TXNRD1: variants seen among roughly 807,000 people sequenced by gnomAD.
TXNRD1 encodes the protein thioredoxin reductase 1.
A neutral mutation model predicts 80.3 loss-of-function variants in TXNRD1; 57 were observed. The ratio of observed to expected loss-of-function variants is 0.71; its 90% CI spans 0.57 to 0.89. The LOEUF (loss-of-function observed/expected upper bound fraction) is 0.89, where lower values mean the gene tolerates loss of function less well. TXNRD1 is among the 40% of genes least tolerant of loss of function. The probability of loss-of-function intolerance (pLI) is 0.00; values close to 1 mark genes in which losing one functional copy is unlikely to be tolerated. For synonymous variants in TXNRD1, 291 were observed against 285.2 expected, an observed-to-expected ratio of 1.02 and a Z score of -0.20; for missense variants, 730 against 803.0, an observed-to-expected ratio of 0.91 and a Z score of 1.10.
intron 3 of TXNRD1, chr12:104,287,316 C>T (rs2034004347): frequency 1.2e-6 from 2 of 1,613,840 alleles, no homozygotes; most frequent in Non-Finnish European, 1.7e-6. Context: ...CGGTTTCGAC[C>T]CGGTCACACA....
intron 4 of TXNRD1, chr12:104,290,900 T>G: frequency 1.8e-6 from 1 of 552,894 alleles, no homozygotes; most frequent in Non-Finnish European, 3.2e-6. Context: ...AAAGAGTCAC[T>G]CTTTTTATAA....
At chr12:104,234,325 C>A (rs1312375805) in intron 1 of TXNRD1, among the ~76,000 whole-genome samples, 2 of 152,112 alleles carry the variant, frequency 1.3e-5, no homozygotes, top group African/African-American at 4.8e-5. Context: ...GACGAAGTCT[C>A]ACTCTGTCAC....
intron 7 of TXNRD1, 27 bp downstream of exon 7, chr12:104,315,923 GT>G: frequency 6.3e-7 from 1 of 1,596,078 alleles, no homozygotes; most frequent in Non-Finnish European, 8.6e-7. Flanking sequence ...CTACTCTTCT[GT>G]TTGTGCTTTT....
chr12:104,288,959 C>G lies in TXNRD1; in HGVS notation c.333C>G (p.Leu111=). The part of the protein sequence containing the change: ...TEDGRALEGT[L]SELAAETDLP... ...ACGGTCGGGCCCTGGAAGGAACGCT[C>G]TCGGAATTGGCCGCGGAAACCGATC... Residue 111 remains leucine (L), a synonymous_variant, in exon 4 of 17, where the codon CTC becomes CTG. Transcript: ENST00000525566. 1.9e-6 allele frequency: 3 copies of G among 1,614,058 alleles called. No homozygotes were observed. The highest frequency in any genetic ancestry group is 2.5e-6 in the Non-Finnish European group (3 of 1,179,906).
At chr12:104,230,092 C>A (rs183451084) in intron 1 of TXNRD1, among the ~76,000 whole-genome samples, 1 of 151,282 alleles carries the variant, frequency 6.6e-6, no homozygotes, top group East Asian at 2.0e-4. Flanking sequence ...TTTTTTGAGA[C>A]AGATTCTTGC....
intron 15 of TXNRD1, among the ~76,000 whole-genome samples, chr12:104,335,080 G>A (rs949513507): frequency 7.2e-5 from 11 of 152,066 alleles, no homozygotes; most frequent in African/African-American, 2.2e-4. Flanking sequence ...GTGTTATTAC[G>A]TGTAAATCTA....
At chr12:104,319,233 G>A (rs1238753971) in intron 8 of TXNRD1, among the ~76,000 whole-genome samples, 178 bp downstream of exon 8, 1 of 152,186 alleles carries the variant, frequency 6.6e-6, no homozygotes, top group Non-Finnish European at 1.5e-5. Flanking sequence ...GTATGGTAAA[G>A]TGTAAGTATG....
intron 9 of TXNRD1, among the ~76,000 whole-genome samples, chr12:104,320,161 A>G (rs531397226): frequency 6.6e-6 from 1 of 152,354 alleles, no homozygotes; most frequent in South Asian, 2.1e-4. Flanking sequence ...TGCCCGTCAA[A>G]TGGTAACACT....
intron 1 of TXNRD1, among the ~76,000 whole-genome samples, chr12:104,234,717 C>G (rs1369695098): frequency 6.7e-6 from 1 of 150,090 alleles, no homozygotes; most frequent in Admixed American, 6.6e-5. Context: ...TATGCTGCTT[C>G]TGAGCCAAAC....
At chr12:104,244,371 A>G (rs900152663) in intron 1 of TXNRD1, among the ~76,000 whole-genome samples, 3 of 152,220 alleles carry the variant, frequency 2.0e-5, no homozygotes, top group African/African-American at 7.2e-5. Context: ...CCCTAAGAGT[A>G]CAAAGATTTC....
intron 3 of TXNRD1, among the ~76,000 whole-genome samples, chr12:104,279,475 C>T (rs1325354235): frequency 6.6e-6 from 1 of 152,082 alleles, no homozygotes; most frequent in East Asian, 1.9e-4. Context: ...ATGACTGAAT[C>T]ATGGGGATTG....
rs370693854 is a variant in TXNRD1, at chr12:104,215,800, G to T, written c.-3G>T. On this transcript the variant is annotated 5_prime_UTR_variant, in exon 1 of 17. Coordinates refer to ENST00000525566, the MANE Select transcript of TXNRD1 (RefSeq NM_001093771.3). ...CGTCAGTTCCCACAGGGCCTTGTGC[G>T]ACATGGGCTGCGCCGAGGGCAAGGC... The T allele has an allele frequency of 2.6e-6, 4 of 1,556,668 alleles. No homozygotes were observed. Among genetic ancestry groups the T allele is most frequent in the Non-Finnish European group, 3.5e-6 (4 of 1,150,650 alleles).
At chr12:104,309,895 AG>A in intron 4 of TXNRD1, 1 of 1,536,008 alleles carries the variant, frequency 6.5e-7, no homozygotes. Flanking sequence ...GCTGGTTTCC[AG>A]GTGTTCTCCC....
intron 4 of TXNRD1, among the ~76,000 whole-genome samples, chr12:104,292,033 A>C (rs2034235328): frequency 6.6e-6 from 1 of 152,228 alleles, no homozygotes. Flanking sequence ...CTTTAATTGC[A>C]ACATAAATAA....
At chr12:104,258,621 C>A (rs963620753) in intron 3 of TXNRD1, among the ~76,000 whole-genome samples, 3 of 152,096 alleles carry the variant, frequency 2.0e-5, no homozygotes, top group Non-Finnish European at 4.4e-5. Context: ...GGCTCACAGA[C>A]AAACATTATT....
At chr12:104,219,050 C>T (rs1429655925) in intron 1 of TXNRD1, among the ~76,000 whole-genome samples, 10 of 152,172 alleles carry the variant, frequency 6.6e-5, no homozygotes, top group African/African-American at 2.4e-4. Context: ...TCAAGTAATC[C>T]TCCTGCCTCA....
chr12:104,306,061 AC>A (rs2034903504), intron 4 of TXNRD1, among the ~76,000 whole-genome samples: 2 of 151,970 alleles, frequency 1.3e-5, no homozygotes, highest in South Asian at 4.1e-4. Flanking sequence ...GTGCCATCAC[AC>A]CCAGCAAATA....
intron 3 of TXNRD1, among the ~76,000 whole-genome samples, chr12:104,267,645 G>GTTTCTTTCTTTCTTTC (rs1565869947): frequency 9.7e-6 from 1 of 103,504 alleles, no homozygotes. Context: ...AGATGTGATG[G>GTTTCTTTCTTTCTTTC]TATCTTTCTT....
chr12:104,267,647 A>ATCTTTCCTT (rs1555209253), intron 3 of TXNRD1, among the ~76,000 whole-genome samples: 1 of 140,344 alleles, frequency 7.1e-6, no homozygotes. Flanking sequence ...ATGTGATGGT[A>ATCTTTCCTT]TCTTTCTTTC....
Sources: gnomAD v4.1 joint callset for allele counts (sites outside exome capture counted in the v4.1 genomes callset) on GRCh38, gnomAD v4.1.1 for gene constraint, MANE v1.5 for transcripts, NCBI Gene and HGNC (gene_info 2026-07-23, HGNC 2026-07-21) for gene names.